The following FRK variants were observed in gnomAD, a reference collection of about 807,000 sequenced individuals.
FRK encodes tyrosine-protein kinase FRK.
FRK carries 51 observed loss-of-function variants against 56.4 expected under a neutral mutation model. The ratio of observed to expected loss-of-function variants is 0.90; its 90% confidence interval spans 0.72 to 1.14. The LOEUF (loss-of-function observed/expected upper bound fraction) is 1.14. Among genes scored for constraint, FRK ranks in the 50% most tolerant of loss-of-function variants. The pLI is 0.00. For synonymous variants in FRK, 245 were observed against 217.9 expected (o/e 1.12, Z -1.10); for missense variants, 570 against 601.4 (o/e 0.95, Z 0.55).
the FRK span, among the ~76,000 whole-genome samples, chr6:116,097,221 T>G: frequency 6.6e-6 from 1 of 152,246 alleles, no homozygotes; most frequent in Non-Finnish European, 1.5e-5. Flanking sequence ...TTTGGTTCTA[T>G]GTAGCTAAAT....
intron 2 of FRK, among the ~76,000 whole-genome samples, chr6:115,978,886 T>C (rs1055647815): frequency 6.6e-6 from 1 of 152,034 alleles, no homozygotes; most frequent in Admixed American, 6.6e-5. Context: ...ACCTTATCTT[T>C]ACAAAAAATG....
At chr6:116,043,571 G>A (rs1776813079) in intron 1 of FRK, among the ~76,000 whole-genome samples, 1 of 151,966 alleles carries the variant, frequency 6.6e-6, no homozygotes, top group Admixed American at 6.6e-5. Flanking sequence ...CAGAATCTCT[G>A]GGACACAGCT....
intron 2 of FRK, among the ~76,000 whole-genome samples, chr6:115,972,396 A>C: frequency 6.6e-6 from 1 of 152,162 alleles, no homozygotes; most frequent in East Asian, 1.9e-4. Context: ...CCTGTGTTCT[A>C]TCCTCCCAAC....
chr6:116,060,529 T>C lies in FRK; in HGVS notation c.-218A>G. ...GCTTGCTTTCTGTGGCTGGAGGTGC[T>C]ACCCCGAGGCAAAACTGAGCAGGAG... On this transcript the variant is annotated 5_prime_UTR_variant, in exon 1 of 8. Coordinates refer to ENST00000606080, the MANE Select transcript of FRK (RefSeq NM_002031.3). 1.9e-6 allele frequency: 1 copy of C among 523,812 alleles called. No homozygotes were observed. Among genetic ancestry groups the C allele is most frequent in the South Asian group, 2.8e-5 (1 of 35,202 alleles). 32.4% of individuals were successfully genotyped at this position (523,812 alleles called of 1,614,324 possible). A position where few individuals can be genotyped will look rare whatever the true frequency, so the allele number is the denominator to read the frequency against.
intron 2 of FRK, among the ~76,000 whole-genome samples, chr6:115,985,241 G>C (rs1562271256): frequency 6.6e-6 from 1 of 152,084 alleles, no homozygotes; most frequent in Non-Finnish European, 1.5e-5. Context: ...ACTATTACTT[G>C]TTTCCAAAAC....
chr6:116,099,406 C>T, the FRK span, among the ~76,000 whole-genome samples: 3 of 152,232 alleles, frequency 2.0e-5, no homozygotes, highest in African/African-American at 7.2e-5. Flanking sequence ...GGAAGTTTGA[C>T]TTTGGTAGCA....
chr6:116,089,212 T>C, the FRK span, among the ~76,000 whole-genome samples: 1 of 152,228 alleles, frequency 6.6e-6, no homozygotes, highest in Non-Finnish European at 1.5e-5. Context: ...GCTTCCATTA[T>C]ATCTTTGTTT....
chr6:116,025,310 T>A (rs1776048203), intron 1 of FRK, among the ~76,000 whole-genome samples: 1 of 152,190 alleles, frequency 6.6e-6, no homozygotes, highest in Non-Finnish European at 1.5e-5. Context: ...CAATATTTGT[T>A]ATGAAAAGTT....
the FRK span, among the ~76,000 whole-genome samples, chr6:116,079,453 C>CA: frequency 6.6e-6 from 1 of 151,216 alleles, no homozygotes; most frequent in Admixed American, 6.6e-5. Flanking sequence ...ATCAGTTATG[C>CA]ATGTTGAAAA....
At chr6:115,952,748 A>G (rs1044266833) in intron 5 of FRK, among the ~76,000 whole-genome samples, 12 of 152,030 alleles carry the variant, frequency 7.9e-5, no homozygotes, top group African/African-American at 2.9e-4. Flanking sequence ...AGCCATAAAA[A>G]ATGATGAGTT....
At chr6:115,972,254 C>T (rs1773829855) in intron 2 of FRK, among the ~76,000 whole-genome samples, 1 of 152,198 alleles carries the variant, frequency 6.6e-6, no homozygotes, top group Admixed American at 6.5e-5. Flanking sequence ...AGGAGACCCA[C>T]TTATGGTCCT....
chr6:116,003,972 G>A lies in FRK; in HGVS notation c.371C>T (p.Ser124Leu), dbSNP rs867784375. 1 of 1,612,530 alleles carries A rather than the reference G, an allele frequency of 6.2e-7. No individual in the cohort carries two copies. Among genetic ancestry groups the A allele is most frequent in the Non-Finnish European group, 8.5e-7 (1 of 1,178,856 alleles). The change falls in exon 2 of 8, where the codon TCA becomes TTA. Residue 124 changes from serine (S) to leucine (L), a missense_variant. Physicochemically the swap from Ser to Leu is moderately radical, Grantham distance 145. Transcript: ENST00000606080. ...ATATAATAGTTGTTTCTCTGCATCT[G>A]ATCTTCCGATTGCTCCAAAGAACCA... The part of the protein sequence containing the change: ...EPWFFGAIGR[S>L]DAEKQLLYSE...
chr6:115,968,093 A>G (rs1028872691), intron 3 of FRK, among the ~76,000 whole-genome samples: 3 of 152,082 alleles, frequency 2.0e-5, no homozygotes, highest in Non-Finnish European at 4.4e-5. Context: ...CTTTGGCTAT[A>G]GTTTTATTAT....
Position 116,060,389 on chromosome 6 carries a change from C to G in FRK, c.-78G>C. The G allele has an allele frequency of 8.4e-7, 1 of 1,195,674 alleles. No homozygotes were observed. Among genetic ancestry groups the G allele is most frequent in the African/African-American group, 1.5e-5 (1 of 65,572 alleles). 74.1% of individuals were successfully genotyped at this position (1,195,674 alleles called of 1,614,324 possible). On this transcript the variant is annotated 5_prime_UTR_variant, in exon 1 of 8. Transcript: ENST00000606080. ...CTGCGATCCACCTTATCTTCCTTCA[C>G]CAGGCAACTTTGAAGTCAGCACCAA...
rs546702592 is a variant in FRK at position 115,936,813 on chromosome 6, A to G, written c.*5601T>C. 1.3e-5 allele frequency: 2 copies of G among 152,344 alleles called. No individual in the cohort carries two copies. The highest frequency in any genetic ancestry group is 4.8e-5 in the African/African-American group (2 of 41,578). The allele number at this position is 152,344 out of a possible 1,614,324, so 9.4% of individuals were successfully genotyped here. A position where few individuals can be genotyped will look rare whatever the true frequency, so the allele number is the denominator to read the frequency against. On this transcript the variant is annotated 3_prime_UTR_variant, in exon 8 of 8. Transcript: ENST00000606080. The stretch of plus-strand genomic sequence containing the variant: ...AAGGAACTAACAAAGCCTCCAAGAA[A>G]TATGGGATTATGTGAAAACACCAAG...
At chr6:116,034,780 G>A (rs1318113527) in intron 1 of FRK, among the ~76,000 whole-genome samples, 1 of 152,000 alleles carries the variant, frequency 6.6e-6, no homozygotes, top group Non-Finnish European at 1.5e-5. Flanking sequence ...TAATATTAGG[G>A]TTATTTTATT....
chr6:115,995,055 A>C (rs1374066255), intron 2 of FRK, among the ~76,000 whole-genome samples: 1 of 152,144 alleles, frequency 6.6e-6, no homozygotes, highest in Non-Finnish European at 1.5e-5. Flanking sequence ...CTTCAACTTG[A>C]CTAGCACTGA....
At chr6:116,027,279 A>C (rs1306885689) in intron 1 of FRK, among the ~76,000 whole-genome samples, 1 of 152,216 alleles carries the variant, frequency 6.6e-6, no homozygotes, top group Non-Finnish European at 1.5e-5. Flanking sequence ...CTTAACAGAA[A>C]AGAGACAAGA....
chr6:116,017,391 G>A (rs1775696659), intron 1 of FRK, among the ~76,000 whole-genome samples: 2 of 152,204 alleles, frequency 1.3e-5, no homozygotes, highest in African/African-American at 4.8e-5. Flanking sequence ...ACACCGAGCT[G>A]TAACCAATCC....
Sources: gnomAD v4.1 joint callset for allele counts (sites outside exome capture counted in the v4.1 genomes callset) on GRCh38, gnomAD v4.1.1 for gene constraint, MANE v1.5 for transcripts, NCBI Gene and HGNC (gene_info 2026-07-23, HGNC 2026-07-21) for gene names.